Variants in SPPL3 observed in about 807,000 individuals in gnomAD.
SPPL3 encodes signal peptide peptidase like 3, also known as signal peptide peptidase-like 3.
In SPPL3, 5 loss-of-function variants were observed where a neutral mutation model predicts 42.4. The ratio of observed to expected loss-of-function variants is 0.12; its 90% CI spans 0.06 to 0.25. The LOEUF (loss-of-function observed/expected upper bound fraction) is 0.25, where lower values mean the gene tolerates loss of function less well. Among genes scored for constraint, SPPL3 ranks in the 10% least tolerant of loss-of-function variants. The pLI, the probability that SPPL3 is intolerant of heterozygous loss-of-function variation, is 1.00. For missense variants in SPPL3, 235 were observed against 489.0 expected (o/e 0.48, Z 4.90); for synonymous variants, 195 against 181.8 (o/e 1.07, Z -0.58).
At chr12:120,787,041 T>A (rs558411189) in intron 3 of SPPL3, among the ~76,000 whole-genome samples, 21 of 152,282 alleles carry the variant, frequency 1.4e-4, no homozygotes, top group Middle Eastern at 6.8e-3. Context: ...TAAATGTACG[T>A]CTGGTATGGA....
chr12:120,814,031 AAT>A (rs375299465), intron 1 of SPPL3, among the ~76,000 whole-genome samples: 4 of 152,314 alleles, frequency 2.6e-5, no homozygotes, highest in African/African-American at 9.6e-5. Flanking sequence ...CAGGTGAAAT[AAT>A]ATGATTTAAG....
intron 1 of SPPL3, among the ~76,000 whole-genome samples, chr12:120,818,592 C>T (rs557452810): frequency 2.0e-5 from 3 of 152,328 alleles, no homozygotes; most frequent in African/African-American, 7.2e-5. Context: ...TGTTCTATAA[C>T]GTGTTCTATG....
intron 6 of SPPL3, among the ~76,000 whole-genome samples, chr12:120,780,587 T>TAAA (rs34476118): frequency 3.2e-5 from 4 of 124,646 alleles, no homozygotes; most frequent in Admixed American, 8.0e-5. Flanking sequence ...TGTCTCTATT[T>TAAA]AAAAAAAAAA....
At chr12:120,768,141 C>T (rs572559536) in intron 8 of SPPL3, among the ~76,000 whole-genome samples, 184 bp downstream of exon 8, 15 of 152,236 alleles carry the variant, frequency 9.9e-5, no homozygotes, top group East Asian at 1.9e-4. Context: ...TAAAAGGCAC[C>T]GCCTGGATCA....
intron 1 of SPPL3, among the ~76,000 whole-genome samples, chr12:120,869,628 T>A: frequency 6.6e-6 from 1 of 152,190 alleles, no homozygotes; most frequent in East Asian, 1.9e-4. Flanking sequence ...AACGGGTATA[T>A]ATGACTAGGT....
intron 1 of SPPL3, among the ~76,000 whole-genome samples, chr12:120,891,091 T>G (rs1170172153): frequency 6.6e-6 from 1 of 152,194 alleles, no homozygotes; most frequent in East Asian, 1.9e-4. Flanking sequence ...ATCTCTAACC[T>G]TCGCCTCTGC....
At chr12:120,766,147 A>C in intron 10 of SPPL3, 116 bp downstream of exon 10, 1 of 722,254 alleles carries the variant, frequency 1.4e-6, no homozygotes, top group African/African-American at 1.8e-5. Context: ...CACACAGTCG[A>C]GATCACAAGC....
intron 8 of SPPL3, 108 bp from the exon 9 acceptor site, chr12:120,767,701 TG>T: frequency 1.8e-5 from 19 of 1,078,272 alleles, no homozygotes; most frequent in Non-Finnish European, 2.4e-5. Flanking sequence ...CTTATCTGCA[TG>T]GCAGATGGAA....
intron 1 of SPPL3, among the ~76,000 whole-genome samples, chr12:120,821,270 T>C (rs925179520): frequency 1.3e-5 from 2 of 152,258 alleles, no homozygotes; most frequent in African/African-American, 4.8e-5. Flanking sequence ...GCTTCAACTT[T>C]TTCCTATGAA....
In SPPL3 at chr12:120,867,675, C is replaced by CAG. The variant is rs1413918198; in HGVS notation, c.23+36169_23+36170insCT. Among the ~76,000 whole-genome samples, 515 of 150,272 alleles carry CAG rather than the reference C, an allele frequency of 3.4e-3. 3 individuals are homozygous for CAG. The highest frequency in any genetic ancestry group is 0.012 in the African/African-American group (493 of 40,832). ...TCTTAAAAATGTATATATATATATACATACTTAATGGTGCTGAGAAGAAGT... is the reference window on the plus strand; with the variant it reads ...TCTTAAAAATGTATATATATATATACAGATACTTAATGGTGCTGAGAAGAAGT... On this transcript the variant is annotated intron_variant, in intron 1 of 10. Transcript: ENST00000353487.
chr12:120,877,900 T>C (rs919408014), intron 1 of SPPL3, among the ~76,000 whole-genome samples: 3 of 151,170 alleles, frequency 2.0e-5, no homozygotes, highest in African/African-American at 7.3e-5. Context: ...CTCACGCCTA[T>C]AATCCCAACT....
At chr12:120,802,635 T>C (rs1592970132) in intron 2 of SPPL3, among the ~76,000 whole-genome samples, 2 of 151,834 alleles carry the variant, frequency 1.3e-5, no homozygotes, top group East Asian at 1.9e-4. Flanking sequence ...AGTTTCACCA[T>C]GTTGGCCAGG....
At position 120,764,967 on chromosome 12, in the gene SPPL3, G is replaced by T; in HGVS notation, c.*32C>A. 1 of 1,609,438 alleles carries T rather than the reference G, an allele frequency of 6.2e-7. No homozygotes were observed. The highest frequency in any genetic ancestry group is 8.5e-7 in the Non-Finnish European group (1 of 1,177,226). On this transcript the variant is annotated 3_prime_UTR_variant, in exon 11 of 11. Transcript: ENST00000353487. ...CCATGAGTTGAGAGAAAAGGACTAT[G>T]ACGGCCATCTGGTCACTTTCCACGT...
intron 2 of SPPL3, among the ~76,000 whole-genome samples, chr12:120,804,160 G>C (rs1393192014): frequency 6.6e-6 from 1 of 152,056 alleles, no homozygotes; most frequent in Non-Finnish European, 1.5e-5. Flanking sequence ...TTACAAAAAA[G>C]GAACTAGTTA....
At chr12:120,793,458 G>A (rs1279612199) in intron 2 of SPPL3, among the ~76,000 whole-genome samples, 1 of 152,194 alleles carries the variant, frequency 6.6e-6, no homozygotes, top group African/African-American at 2.4e-5. Flanking sequence ...ACTCCAGCCT[G>A]AGCAACAAAG....
intron 1 of SPPL3, among the ~76,000 whole-genome samples, chr12:120,887,241 T>G (rs138190501): frequency 4.5e-4 from 69 of 152,246 alleles, no homozygotes; most frequent in African/African-American, 1.6e-3. Flanking sequence ...AAATAAGTAT[T>G]TTTATGTAAA....
chr12:120,856,657 T>A (rs1191423383), intron 1 of SPPL3, among the ~76,000 whole-genome samples: 5 of 151,920 alleles, frequency 3.3e-5, no homozygotes, highest in Non-Finnish European at 7.4e-5. Flanking sequence ...AAAAACAGAT[T>A]GAGCAATCTG....
intron 6 of SPPL3, chr12:120,769,261 T>C (rs1395613081): frequency 1.2e-5 from 6 of 497,512 alleles, no homozygotes; most frequent in Admixed American, 3.3e-5. Flanking sequence ...TTTGGGGTGA[T>C]TGCTTTCCTC....
intron 1 of SPPL3, among the ~76,000 whole-genome samples, chr12:120,900,364 C>T (rs1203411781): frequency 6.6e-6 from 1 of 151,642 alleles, no homozygotes; most frequent in Admixed American, 6.6e-5. Flanking sequence ...ATAATCCCAG[C>T]ACTTCGGGAG....
Sources: allele counts gnomAD v4.1 joint callset (sites outside exome capture counted in the v4.1 genomes callset), GRCh38; gene constraint gnomAD v4.1.1; transcripts MANE v1.5; gene names NCBI Gene and HGNC (gene_info 2026-07-23, HGNC 2026-07-21).